The following BCAS3 variants were observed in gnomAD, a reference collection of about 807,000 sequenced individuals.
BCAS3 encodes BCAS3 microtubule associated cell migration factor.
Under a neutral mutation model 116.1 loss-of-function variants are expected in BCAS3, and 53 were observed. The observed-to-expected ratio is 0.46, with a 90% CI of 0.37 to 0.57. BCAS3 has a LOEUF of 0.57. Ranked by LOEUF, BCAS3 falls within the 20% of genes least tolerant of loss-of-function variation. The pLI is 0.00. For synonymous variants in BCAS3, 391 were observed against 408.2 expected, an observed-to-expected ratio of 0.96 and a Z score of 0.51; for missense variants, 917 against 1,165.4, an observed-to-expected ratio of 0.79 and a Z score of 3.10.
intron 22 of BCAS3, among the ~76,000 whole-genome samples, chr17:61,253,178 T>C (rs917048269): frequency 1.1e-4 from 17 of 150,768 alleles, no homozygotes; most frequent in Non-Finnish European, 1.8e-4. Flanking sequence ...GCCCGGCCCG[T>C]TGCTATACCA....
At chr17:60,780,848 A>T (rs2144488050) in intron 6 of BCAS3, among the ~76,000 whole-genome samples, 1 of 152,208 alleles carries the variant, frequency 6.6e-6, no homozygotes, top group South Asian at 2.1e-4. Flanking sequence ...ATTTTTTGAC[A>T]TATTTTCCTA....
intron 13 of BCAS3, among the ~76,000 whole-genome samples, chr17:60,929,691 G>A (rs1447925353): frequency 1.3e-5 from 2 of 148,256 alleles, no homozygotes; most frequent in African/African-American, 5.0e-5. Context: ...TTAGCATTAG[G>A]TATATCTCCT....
At chr17:61,292,052 C>T (rs1207632552) in intron 22 of BCAS3, among the ~76,000 whole-genome samples, 2 of 152,068 alleles carry the variant, frequency 1.3e-5, no homozygotes, top group African/African-American at 4.8e-5. Flanking sequence ...TAGAGTGGGG[C>T]GACAGGAGGC....
At chr17:60,852,714 A>G (rs1029501610) in intron 7 of BCAS3, among the ~76,000 whole-genome samples, 5 of 152,356 alleles carry the variant, frequency 3.3e-5, no homozygotes, top group East Asian at 1.9e-4. Flanking sequence ...TCAATAATGT[A>G]TGTGATTGGG....
chr17:60,746,346 T>G (rs1487842573), intron 5 of BCAS3, among the ~76,000 whole-genome samples: 2 of 152,166 alleles, frequency 1.3e-5, no homozygotes, highest in African/African-American at 2.4e-5. Context: ...TTTAATCTGC[T>G]CAGTGCTTCA....
At position 61,028,183 on chromosome 17, in the gene BCAS3, T is replaced by A. The variant is rs2066394555; in HGVS notation, c.1638-6483T>A. ...GGTTAATTATTATTTGACACAAACT[T>A]ATTTCAATGTTTATATGCCATAGGA... is the stretch of plus-strand genomic sequence containing the variant. On this transcript the variant is annotated intron_variant, in intron 16 of 23. Transcript: ENST00000407086. The surrounding 1 kb of genome is among the most constrained non-coding windows in gnomAD (Gnocchi z 4.3). Among the ~76,000 whole-genome samples the A allele has an allele frequency of 6.6e-6, 1 of 151,898 alleles. No homozygotes were observed. Among genetic ancestry groups the A allele is most frequent in the Non-Finnish European group, 1.5e-5 (1 of 67,800 alleles).
chr17:60,724,990 T>C (rs1441187528), intron 5 of BCAS3, among the ~76,000 whole-genome samples: 1 of 152,128 alleles, frequency 6.6e-6, no homozygotes, highest in Non-Finnish European at 1.5e-5. Flanking sequence ...CAACTAGTAC[T>C]ATAAGCATGT....
rs1374443701 is a variant in BCAS3 at position 60,994,856 on chromosome 17, A to T, written c.1486+4621A>T. 6.6e-6 allele frequency among the ~76,000 whole-genome samples: 1 copy of T among 152,166 alleles called. No individual in the cohort carries two copies. Among genetic ancestry groups the T allele is most frequent in the Non-Finnish European group, 1.5e-5 (1 of 68,024 alleles). On this transcript the variant is annotated intron_variant, in intron 15 of 23. Coordinates refer to ENST00000407086, the MANE Select transcript of BCAS3 (RefSeq NM_017679.5). The surrounding 1 kb of genome is among the most constrained non-coding windows in gnomAD (Gnocchi z 4.4). Reference sequence around the variant, plus strand: ...GTATTGGTATGCTCTGCATACTTTTATCATATTATAATATGCAGGTTATTC... The same window carrying T: ...GTATTGGTATGCTCTGCATACTTTTTTCATATTATAATATGCAGGTTATTC...
At chr17:61,225,649 T>A (rs1421359072) in intron 22 of BCAS3, among the ~76,000 whole-genome samples, 1 of 152,194 alleles carries the variant, frequency 6.6e-6, no homozygotes, top group East Asian at 1.9e-4. Flanking sequence ...TGGATGTTGC[T>A]TTACTGCTTA....
intron 14 of BCAS3, among the ~76,000 whole-genome samples, chr17:60,973,722 G>A (rs1201683616): frequency 1.3e-5 from 2 of 151,524 alleles, no homozygotes; most frequent in Non-Finnish European, 2.9e-5. Context: ...CCTCCTGAGT[G>A]GCTGGGATTA....
rs749112758 is a variant in BCAS3 at position 61,032,680 on chromosome 17, A to G, written c.1638-1986A>G. Reference sequence around the variant, plus strand: ...TCTTCCTTTCTGGAGGTATGTTACTACAGTTGTGACAGATGCAAGTATGAA... The same window carrying G: ...TCTTCCTTTCTGGAGGTATGTTACTGCAGTTGTGACAGATGCAAGTATGAA... On this transcript the variant is annotated intron_variant, in intron 16 of 23. Transcript: ENST00000407086. This position sits in a 1 kb window ranked among gnomAD's most constrained non-coding sequence, Gnocchi z 4.6. Among the ~76,000 whole-genome samples the G allele has an allele frequency of 6.6e-6, 1 of 152,162 alleles. No homozygotes were observed. Among genetic ancestry groups the G allele is most frequent in the Non-Finnish European group, 1.5e-5 (1 of 68,020 alleles).
Position 61,005,277 on chromosome 17 carries a change from AT to A in BCAS3, c.1487-10467del, listed in dbSNP as rs1380675958. 4.0e-5 allele frequency among the ~76,000 whole-genome samples: 6 copies of A among 151,516 alleles called. No homozygotes were observed. In the East Asian group the frequency reaches 9.7e-4, roughly 24 times the overall value. On this transcript the variant is annotated intron_variant, in intron 15 of 23. Coordinates refer to ENST00000407086, the MANE Select transcript of BCAS3 (RefSeq NM_017679.5). ...GTATTCGTGTGGTGTGCTTAGTTTGATTTTTTTCTTTTTCTTTTTTTTTGGT... is the reference window on the plus strand; with the variant it reads ...GTATTCGTGTGGTGTGCTTAGTTTGATTTTTTCTTTTTCTTTTTTTTTGGT...
At chr17:60,976,020 C>CTTTTGTTTTTTTTTTTTTT (rs2062326094) in intron 14 of BCAS3, among the ~76,000 whole-genome samples, 1 of 98,284 alleles carries the variant, frequency 1.0e-5, no homozygotes, top group Non-Finnish European at 1.8e-5. Context: ...TAGATTTTTG[C>CTTTTGTTTTTTTTTTTTTT]TTTTTTTTTT....
intron 22 of BCAS3, among the ~76,000 whole-genome samples, chr17:61,336,108 C>T (rs2056701565): frequency 6.6e-6 from 1 of 152,256 alleles, no homozygotes; most frequent in Non-Finnish European, 1.5e-5. Context: ...GGATCAAGGC[C>T]TCGCTAAACT....
chr17:61,369,585 C>T (rs1050337195), intron 23 of BCAS3, among the ~76,000 whole-genome samples: 1 of 152,214 alleles, frequency 6.6e-6, no homozygotes, highest in East Asian at 1.9e-4. Flanking sequence ...CAGGCGTTTC[C>T]CTCATCCATC....
rs75395092 is a variant in BCAS3, at chr17:61,365,835, G to A, written c.2426-2492G>A. On this transcript the variant is annotated intron_variant, in intron 22 of 23. Coordinates refer to ENST00000407086, the MANE Select transcript of BCAS3 (RefSeq NM_017679.5). The surrounding 1 kb of genome is among the most constrained non-coding windows in gnomAD (Gnocchi z 4.6). ...ATTTTCCAGGCTCTGAAACATCTCT[G>A]TCCATAAGAAAGCTGAGTGTATAGC... Among the ~76,000 whole-genome samples, 1,895 of 151,928 alleles carry A rather than the reference G, an allele frequency of 0.012. 36 individuals carry two copies. The highest frequency in any genetic ancestry group is 0.044 in the African/African-American group (1,810 of 41,440).
At chr17:60,778,800 G>C (rs1274250016) in intron 6 of BCAS3, among the ~76,000 whole-genome samples, 1 of 152,128 alleles carries the variant, frequency 6.6e-6, no homozygotes, top group East Asian at 1.9e-4. Flanking sequence ...CCTAGTGTTT[G>C]ACCCTGTAGT....
At chr17:61,242,710 A>G (rs1644815916) in intron 22 of BCAS3, among the ~76,000 whole-genome samples, 1 of 152,200 alleles carries the variant, frequency 6.6e-6, no homozygotes, top group South Asian at 2.1e-4. Context: ...TTTTGCTTAC[A>G]TAAGTTTATT....
rs182040927 is a variant in BCAS3, at chr17:60,685,548, C to G, written c.138+1512C>G. Among the ~76,000 whole-genome samples, 287 of 151,886 alleles carry G rather than the reference C, an allele frequency of 1.9e-3. 1 individual carries two copies. Among genetic ancestry groups the G allele is most frequent in the African/African-American group, 6.4e-3 (264 of 41,468 alleles). On this transcript the variant is annotated intron_variant, in intron 3 of 23. Transcript: ENST00000407086. ...ACTAGTTTCAGACAAGTTACTGAAC[C>G]TTTCTAAACATCAGTATCCTTATGT...
Sources: gnomAD v4.1 joint callset for allele counts (sites outside exome capture counted in the v4.1 genomes callset) on GRCh38, gnomAD v4.1.1 for gene constraint, Gnocchi (gnomAD v3.1) non-coding constraint, MANE v1.5 for transcripts, NCBI Gene and HGNC (gene_info 2026-07-23, HGNC 2026-07-21) for gene names.